PCLO: variants seen among roughly 807,000 people sequenced by gnomAD.
PCLO encodes piccolo presynaptic cytomatrix protein, also known as protein piccolo.
Under a neutral mutation model 427.5 loss-of-function variants are expected in PCLO, and 82 were observed. The observed-to-expected ratio is 0.19, with a 90% CI of 0.16 to 0.23. The LOEUF (loss-of-function observed/expected upper bound fraction) is 0.23. Among genes scored for constraint, PCLO ranks in the 10% least tolerant of loss-of-function variants. PCLO has a pLI of 1.00. For missense variants in PCLO, 6,239 were observed against 6,115.9 expected (o/e 1.02, Z -0.67); for synonymous variants, 2,357 against 2,155.4 (o/e 1.09, Z -2.59).
chr7:82,985,674 C>A (rs570482199), intron 3 of PCLO, among the ~76,000 whole-genome samples: 20 of 151,838 alleles, frequency 1.3e-4, no homozygotes, highest in African/African-American at 4.6e-4. Flanking sequence ...TCCAAAGCTG[C>A]ACATATTCCT....
At chr7:83,038,061 A>T (rs1394822910) in intron 3 of PCLO, among the ~76,000 whole-genome samples, 2 of 44,950 alleles carry the variant, frequency 4.4e-5, no homozygotes, top group Non-Finnish European at 7.6e-5. Flanking sequence ...CTTTATATAT[A>T]TATTTATATA....
intron 3 of PCLO, among the ~76,000 whole-genome samples, chr7:83,059,288 A>C (rs1295978354): frequency 7.1e-6 from 1 of 141,444 alleles, no homozygotes; most frequent in African/African-American, 2.6e-5. Flanking sequence ...TAGGTGTATA[A>C]AATCAAATAT....
intron 15 of PCLO, among the ~76,000 whole-genome samples, chr7:82,836,744 A>T (rs1015253108): frequency 6.6e-6 from 1 of 152,122 alleles, no homozygotes; most frequent in African/African-American, 2.4e-5. Context: ...CTCGGCTCTC[A>T]GGGTTGACAA....
Position 82,950,111 on chromosome 7 carries a change from G to A in PCLO, c.10477C>T (p.Arg3493Cys), listed in dbSNP as rs550907557. The change falls in exon 6 of 25, where the codon CGT (arginine) becomes TGT (cysteine). Residue 3493 changes from arginine to cysteine, a missense_variant. Arg to Cys is a radical substitution (Grantham distance 180). This residue lies in a region of PCLO where 4,677 missense variants were observed against 4,468.4 expected (regional missense o/e 1.05). Coordinates refer to ENST00000333891, the MANE Select transcript of PCLO (RefSeq NM_033026.6). ...DMPTRSRRKARVGKYGDSMTE... is the reference protein window; with the variant it reads ...DMPTRSRRKACVGKYGDSMTE... Reference sequence around the variant, plus strand: ...ATGCTGTCACCATATTTCCCTACACGAGCTTTCCTCCTTGATCTAGTAGGC... The same window carrying A: ...ATGCTGTCACCATATTTCCCTACACAAGCTTTCCTCCTTGATCTAGTAGGC... 6.2e-6 allele frequency: 10 copies of A among 1,610,070 alleles called. No homozygotes were observed. The highest frequency in any genetic ancestry group is 1.1e-5 in the South Asian group (1 of 90,810).
chr7:82,805,810 C>G lies in PCLO; in HGVS notation c.14811G>C (p.Arg4937=), dbSNP rs1481313283. ...RIQPTKPPNH[R]PAESSVSTGS... is the part of the protein sequence containing the mutation. ...CGGTGGACACAGAGCTTTCTGCAGG[C>G]CGGTGATTGGGAGGCTTTGCTGCAT... Residue 4937 remains arginine (R), a synonymous_variant, in exon 21 of 25, where the codon CGG becomes CGC. Coordinates refer to ENST00000333891, the MANE Select transcript of PCLO (RefSeq NM_033026.6). 1 of 1,604,482 alleles carries G rather than the reference C, an allele frequency of 6.2e-7. No individual in the cohort carries two copies. The highest frequency in any genetic ancestry group is 8.5e-7 in the Non-Finnish European group (1 of 1,175,294).
rs137979969 is a variant in PCLO, at chr7:82,825,826, G to A, written c.14415+763C>T. ...TATGTATATACAATGTATAATATAC[G>A]TATATATAACATATAATGTAAATGT... On this transcript the variant is annotated intron_variant, in intron 18 of 24. Transcript: ENST00000333891. Among the ~76,000 whole-genome samples, 699 of 146,718 alleles carry A rather than the reference G, an allele frequency of 4.8e-3. 2 individuals are homozygous for A. Among genetic ancestry groups the A allele is most frequent in the Admixed American group, 9.7e-3 (141 of 14,568 alleles).
rs772832595 is a variant in PCLO at position 82,915,756 on chromosome 7, T to C, written c.12230A>G (p.Asp4077Gly). Residue 4077 changes from aspartate (D) to glycine (G), a missense_variant, in exon 7 of 25, where the codon GAC (aspartate) becomes GGC (glycine). Around this residue, in one of 5 missense-constraint regions of PCLO, gnomAD observed 680 missense variants for 677.3 expected, o/e 1.00. Transcript: ENST00000333891. ...SLHEKDLSKTDRLLRTTETRR... is the reference protein window; with the variant it reads ...SLHEKDLSKTGRLLRTTETRR... ...TGTCTCAGTGGTTCGAAGGAGACGG[T>C]CTGTTTTTGACAGATCCTTTTCATG... 6.2e-7 allele frequency: 1 copy of C among 1,612,142 alleles called. No individual in the cohort carries two copies. Among genetic ancestry groups the C allele is most frequent in the Non-Finnish European group, 8.5e-7 (1 of 1,179,002 alleles).
At chr7:82,951,780 C>A in intron 5 of PCLO, 76 bp downstream of exon 5, 2 of 1,508,356 alleles carry the variant, frequency 1.3e-6, no homozygotes, top group Non-Finnish European at 1.8e-6. Context: ...AAAGAAGCCA[C>A]ATTTTCATCC....
chr7:82,917,942 A>G (rs1486296631), intron 6 of PCLO, among the ~76,000 whole-genome samples: 1 of 151,938 alleles, frequency 6.6e-6, no homozygotes, highest in African/African-American at 2.4e-5. Flanking sequence ...ATTATTTCCA[A>G]ATTAATTTCC....
At chr7:82,782,975 G>A (rs1790905300) in intron 22 of PCLO, among the ~76,000 whole-genome samples, 1 of 152,188 alleles carries the variant, frequency 6.6e-6, no homozygotes, top group Admixed American at 6.5e-5. Flanking sequence ...AAGTGCATCT[G>A]ACCCACATAG....
chr7:82,818,598 T>C lies in PCLO; in HGVS notation c.14791+3897A>G, dbSNP rs913823505. ...ATAAATAAGTACATGACTGTTCTTA[T>C]TAAAATTAGGAGAGTTTGATTTTAA... On this transcript the variant is annotated intron_variant, in intron 20 of 24. Coordinates refer to ENST00000333891, the MANE Select transcript of PCLO (RefSeq NM_033026.6). Among the ~76,000 whole-genome samples the C allele has an allele frequency of 2.0e-5, 3 of 152,160 alleles. No individual in the cohort carries two copies. In the East Asian group the frequency reaches 5.8e-4, roughly 29 times the overall value.
At chr7:82,959,127 C>G (rs1795599040) in intron 4 of PCLO, among the ~76,000 whole-genome samples, 1 of 152,106 alleles carries the variant, frequency 6.6e-6, no homozygotes, top group Admixed American at 6.5e-5. Context: ...AGTGCAGTGG[C>G]TTGATCTTGG....
chr7:82,999,886 T>A lies in PCLO; in HGVS notation c.3301-33399A>T, dbSNP rs1255082871. ...ATAAAATATAATATATAATATTATA[T>A]ATAATATATATAATGGAAATACAAA... On this transcript the variant is annotated intron_variant, in intron 3 of 24. Coordinates refer to ENST00000333891, the MANE Select transcript of PCLO (RefSeq NM_033026.6). 9.7e-5 allele frequency among the ~76,000 whole-genome samples: 12 copies of A among 124,012 alleles called. 4 individuals carry two copies. The highest frequency in any genetic ancestry group is 3.4e-4 in the African/African-American group (11 of 32,728). The allele number at this position is 124,012 out of a possible 152,430, so 81.4% of individuals were successfully genotyped here.
At chr7:82,820,781 T>C (rs1791772450) in intron 20 of PCLO, 7 of 1,231,364 alleles carry the variant, frequency 5.7e-6, no homozygotes, top group Non-Finnish European at 7.1e-6. Flanking sequence ...TAAACTTTTA[T>C]CACAATGAAA....
At chr7:82,987,095 T>C (rs1796272108) in intron 3 of PCLO, among the ~76,000 whole-genome samples, 2 of 151,972 alleles carry the variant, frequency 1.3e-5, no homozygotes, top group Admixed American at 1.3e-4. Context: ...TAGAAACATA[T>C]AATGCATGTA....
chr7:82,891,644 C>A (rs1222090807), intron 9 of PCLO, among the ~76,000 whole-genome samples: 2 of 151,920 alleles, frequency 1.3e-5, no homozygotes, highest in East Asian at 3.9e-4. Flanking sequence ...CCAGTTTTTG[C>A]CCATTCAGTA....
At chr7:82,934,771 T>G in intron 6 of PCLO, among the ~76,000 whole-genome samples, 1 of 151,700 alleles carries the variant, frequency 6.6e-6, no homozygotes. Flanking sequence ...TAGATATATT[T>G]CTAACCATAA....
intron 10 of PCLO, among the ~76,000 whole-genome samples, chr7:82,871,376 C>T (rs1315610623): frequency 6.6e-6 from 1 of 151,798 alleles, no homozygotes. Flanking sequence ...ATTACATGTT[C>T]TCACTCATAT....
At chr7:82,870,753 C>A (rs923757923) in intron 10 of PCLO, among the ~76,000 whole-genome samples, 5 of 151,450 alleles carry the variant, frequency 3.3e-5, no homozygotes, top group Admixed American at 2.6e-4. Context: ...AAAAAAAACC[C>A]CAAATAATTT....
Sources: allele counts gnomAD v4.1 joint callset (sites outside exome capture counted in the v4.1 genomes callset), GRCh38; gene constraint gnomAD v4.1.1; regional missense constraint gnomAD v4.1.1; transcripts MANE v1.5; gene names NCBI Gene and HGNC (gene_info 2026-07-23, HGNC 2026-07-21).